Variants in B4GALNT1 observed in about 807,000 individuals in gnomAD.
B4GALNT1 encodes the protein beta-1,4 N-acetylgalactosaminyltransferase 1.
B4GALNT1 carries 43 observed loss-of-function variants against 55.2 expected under a neutral mutation model. The observed-to-expected ratio is 0.78, with a 90% CI of 0.61 to 1.00. B4GALNT1 has a LOEUF of 1.00. Ranked by LOEUF, B4GALNT1 falls within the 50% of genes least tolerant of loss-of-function variation. The pLI, the probability that B4GALNT1 is intolerant of heterozygous loss-of-function variation, is 0.00. For missense variants in B4GALNT1, 664 were observed against 729.7 expected (o/e 0.91, Z 1.04); for synonymous variants, 305 against 311.6 (o/e 0.98, Z 0.22).
chr12:57,626,651 A>G lies in B4GALNT1; in HGVS notation c.*93T>C. 7.1e-7 allele frequency: 1 copy of G among 1,403,168 alleles called. No individual in the cohort carries two copies. The highest frequency in any genetic ancestry group is 1.0e-6 in the Non-Finnish European group (1 of 999,934). 86.9% of individuals were successfully genotyped at this position (1,403,168 alleles called of 1,614,324 possible). A position where few individuals can be genotyped will look rare whatever the true frequency, so the allele number is the denominator to read the frequency against. On this transcript the variant is annotated 3_prime_UTR_variant, in exon 11 of 11. Transcript: ENST00000341156. Reference sequence around the variant, plus strand: ...AACTAGAGGCTCAGGGACAGCCAGTAGAGTGCTCACAGGGTGGTGGGGTTT... The same window carrying G: ...AACTAGAGGCTCAGGGACAGCCAGTGGAGTGCTCACAGGGTGGTGGGGTTT...
intron 2 of B4GALNT1, among the ~76,000 whole-genome samples, chr12:57,631,594 T>C (rs1885216176): frequency 6.6e-6 from 1 of 152,120 alleles, no homozygotes; most frequent in Non-Finnish European, 1.5e-5. Context: ...TACCAGGATT[T>C]CAGGAGCTGC....
In B4GALNT1 at chr12:57,625,277, G is replaced by T. The variant is rs950747251; in HGVS notation, c.*1467C>A. 1.2e-6 allele frequency: 2 copies of T among 1,614,130 alleles called. No homozygotes were observed. The highest frequency in any genetic ancestry group is 2.2e-5 in the East Asian group (1 of 44,886). ...GGTGGTGGTCCTAGACTTCAGTGGT[G>T]TCACCTTTGCAGATGCTGCTGGGGC... On this transcript the variant is annotated 3_prime_UTR_variant, in exon 11 of 11. Coordinates refer to ENST00000341156, the MANE Select transcript of B4GALNT1 (RefSeq NM_001478.5).
In B4GALNT1 at chr12:57,633,171, T is replaced by A. The variant is rs1885335336; in HGVS notation, c.-401A>T. On this transcript the variant is annotated 5_prime_UTR_variant, in exon 1 of 11. Transcript: ENST00000341156. ...CAGCGCGGCTCAGCTCCCGGCTCGT[T>A]GCGGCTGCTTCGGCTCCGCGCGGGG... 1 of 152,222 alleles carries A rather than the reference T, an allele frequency of 6.6e-6. No individual in the cohort carries two copies. The highest frequency in any genetic ancestry group is 2.4e-5 in the African/African-American group (1 of 41,466). 9.4% of individuals were successfully genotyped at this position (152,222 alleles called of 1,614,324 possible). A position where few individuals can be genotyped will look rare whatever the true frequency, so the allele number is the denominator to read the frequency against.
chr12:57,627,413 A>T lies in B4GALNT1; in HGVS notation c.1384+205T>A, dbSNP rs558728514. ...ATAACAAAAAATATATATATTTATA[A>T]AAAAAAAAAAAGAGTATGCGGGGCT... On this transcript the variant is annotated intron_variant, in intron 10 of 10. Transcript: ENST00000341156. Among the ~76,000 whole-genome samples, 2,042 of 61,106 alleles carry T rather than the reference A, an allele frequency of 0.033. 40 individuals are homozygous for T. Among genetic ancestry groups the T allele is most frequent in the African/African-American group, 0.12 (1,890 of 16,128 alleles). The allele number at this position is 61,106 out of a possible 152,430, so 40.1% of individuals were successfully genotyped here. A position where few individuals can be genotyped will look rare whatever the true frequency, so the allele number is the denominator to read the frequency against.
At chr12:57,632,234 C>A (rs1885272061) in intron 1 of B4GALNT1, 101 bp from the exon 2 acceptor site, 2 of 1,160,134 alleles carry the variant, frequency 1.7e-6, no homozygotes, top group African/African-American at 1.5e-5. Flanking sequence ...TGCCGGCTCC[C>A]AAGAGCGCTC....
intron 4 of B4GALNT1, among the ~76,000 whole-genome samples, chr12:57,630,746 G>C (rs1215731358): frequency 6.6e-6 from 1 of 152,212 alleles, no homozygotes; most frequent in Non-Finnish European, 1.5e-5. Context: ...CCAATGGTTA[G>C]TCAGCAAAGA....
chr12:57,632,030 G>C lies in B4GALNT1; in HGVS notation c.103C>G (p.Leu35Val), dbSNP rs774896. ...GGGGGCGCCCACGGCGCAAGAGGTA[G>C]CCGGAGGCCGGGCGCGTCCCGGGTG... ...ASTRDAPGLR[L>V]PLAPWAPPQS... Residue 35 changes from leucine (L) to valine (V), a missense_variant, in exon 2 of 11, where the codon CTA becomes GTA. Physicochemically the swap from Leu to Val is conservative, Grantham distance 32. Transcript: ENST00000341156. The C allele has an allele frequency of 0.24, 340,617 of 1,446,478 alleles. 41,624 individuals carry two copies. The highest frequency in any genetic ancestry group is 0.37 in the African/African-American group (25,354 of 68,938). 89.6% of individuals were successfully genotyped at this position (1,446,478 alleles called of 1,614,324 possible). A position where few individuals can be genotyped will look rare whatever the true frequency, so the allele number is the denominator to read the frequency against.
At position 57,624,020 on chromosome 12, in the gene B4GALNT1, C is replaced by T; in HGVS notation, c.*2724G>A. The T allele has an allele frequency of 6.2e-7, 1 of 1,611,512 alleles. No individual in the cohort carries two copies. The highest frequency in any genetic ancestry group is 2.2e-5 in the East Asian group (1 of 44,864). Reference sequence around the variant, plus strand: ...GCCTCAAGGCTGTCCTGGCTTGCATCAACATCTCCAGCATGCGCCAGGTGT... The same window carrying T: ...GCCTCAAGGCTGTCCTGGCTTGCATTAACATCTCCAGCATGCGCCAGGTGT... On this transcript the variant is annotated 3_prime_UTR_variant, in exon 11 of 11. Transcript: ENST00000341156.
chr12:57,626,604 G>T lies in B4GALNT1; in HGVS notation c.*140C>A. ...CAGGACAACCCCTACTGGGCATCAG[G>T]TTCTGAAAAGGAAGAGTGAGGAACT... On this transcript the variant is annotated 3_prime_UTR_variant, in exon 11 of 11. Transcript: ENST00000341156. The T allele has an allele frequency of 1.0e-6, 1 of 992,924 alleles. No homozygotes were observed. The highest frequency in any genetic ancestry group is 1.6e-5 in the African/African-American group (1 of 62,586). The allele number at this position is 992,924 out of a possible 1,614,324, so 61.5% of individuals were successfully genotyped here.
At chr12:57,630,428 C>T in intron 5 of B4GALNT1, 50 bp downstream of exon 5, 1 of 1,599,440 alleles carries the variant, frequency 6.3e-7, no homozygotes, top group Non-Finnish European at 8.5e-7. Context: ...GCCTCCCTCC[C>T]AGCATTCTTG....
At chr12:57,632,404 TG>T (rs777161368) in intron 1 of B4GALNT1, 22 of 586,206 alleles carry the variant, frequency 3.8e-5, no homozygotes, top group Non-Finnish European at 6.5e-5. Context: ...ATCTTAATGC[TG>T]AAGACATTTG....
rs996624863 is a variant in B4GALNT1 at position 57,625,904 on chromosome 12, C to T, written c.*840G>A. 2.5e-6 allele frequency: 2 copies of T among 794,566 alleles called. No homozygotes were observed. Among genetic ancestry groups the T allele is most frequent in the East Asian group, 3.0e-5 (1 of 33,720 alleles). The allele number at this position is 794,566 out of a possible 1,614,324, so 49.2% of individuals were successfully genotyped here. Reference sequence around the variant, plus strand: ...GTGAGGAACTGAAGAACTCAGATCCCTAAGTAGGTGGGGTACCCCTGAGAG... The same window carrying T: ...GTGAGGAACTGAAGAACTCAGATCCTTAAGTAGGTGGGGTACCCCTGAGAG... On this transcript the variant is annotated 3_prime_UTR_variant, in exon 11 of 11. Coordinates refer to ENST00000341156, the MANE Select transcript of B4GALNT1 (RefSeq NM_001478.5).
Position 57,626,834 on chromosome 12 carries a change from G to A in B4GALNT1, c.1512C>T (p.Tyr504=). The A allele has an allele frequency of 1.2e-6, 2 of 1,614,216 alleles. No individual in the cohort carries two copies. The highest frequency in any genetic ancestry group is 1.7e-6 in the Non-Finnish European group (2 of 1,180,050). ...TCTCGTCCAGTGATCCTGGGTAACGGTACCGGGCGTAAGTCTCTGCTCCGG... is the reference window on the plus strand; with the variant it reads ...TCTCGTCCAGTGATCCTGGGTAACGATACCGGGCGTAAGTCTCTGCTCCGG... ...RDAGAETYAR[Y]RYPGSLDESQ... Residue 504 remains tyrosine, a synonymous_variant, in exon 11 of 11, where the codon TAC becomes TAT. Transcript: ENST00000341156.
Position 57,623,511 on chromosome 12 carries a change from T to TA in B4GALNT1, c.*3232dup, listed in dbSNP as rs1259894874. ...TCCCCCTAATATTTTTGGTTTCCCTTACTTTGCTGGTGCCCTAAACACATA... is the reference window on the plus strand; with the variant it reads ...TCCCCCTAATATTTTTGGTTTCCCTTAACTTTGCTGGTGCCCTAAACACATA... On this transcript the variant is annotated 3_prime_UTR_variant, in exon 11 of 11. Transcript: ENST00000341156. 2.3e-5 allele frequency: 10 copies of TA among 440,504 alleles called. No individual in the cohort carries two copies. Among genetic ancestry groups the TA allele is most frequent in the Admixed American group, 8.1e-5 (2 of 24,598 alleles). 27.3% of individuals were successfully genotyped at this position (440,504 alleles called of 1,614,324 possible).
In B4GALNT1 at chr12:57,631,057, A is replaced by G; in HGVS notation, c.413T>C (p.Ile138Thr). Residue 138 changes from isoleucine to threonine, a missense_variant, in exon 4 of 11, where the codon ATA (isoleucine) becomes ACA (threonine). Coordinates refer to ENST00000341156, the MANE Select transcript of B4GALNT1 (RefSeq NM_001478.5). ...CTGGAGCGGGGAGTTGGCAGGGGCTATGAGCAGCTGGTCAGCTGGGGACTG... is the reference window on the plus strand; with the variant it reads ...CTGGAGCGGGGAGTTGGCAGGGGCTGTGAGCAGCTGGTCAGCTGGGGACTG... ...RSQSPADQLL[I>T]APANSPLQYP... is the part of the protein sequence containing the mutation. 6.2e-7 allele frequency: 1 copy of G among 1,612,696 alleles called. No individual in the cohort carries two copies. The highest frequency in any genetic ancestry group is 8.5e-7 in the Non-Finnish European group (1 of 1,179,488).
rs919714808 is a variant in B4GALNT1 at position 57,626,088 on chromosome 12, C to A, written c.*656G>T. 4 of 219,662 alleles carry A rather than the reference C, an allele frequency of 1.8e-5. No homozygotes were observed. The highest frequency in any genetic ancestry group is 2.7e-5 in the Non-Finnish European group (3 of 110,896). 13.6% of individuals were successfully genotyped at this position (219,662 alleles called of 1,614,324 possible). On this transcript the variant is annotated 3_prime_UTR_variant, in exon 11 of 11. Transcript: ENST00000341156. The stretch of plus-strand genomic sequence containing the variant: ...CTGATGACATGTGTGTGATGAGGAC[C>A]ATGACCCTTGAACCCCCTTACCTAA...
Position 57,626,909 on chromosome 12 carries a change from G to A in B4GALNT1, c.1437C>T (p.Val479=), listed in dbSNP as rs772899658. Residue 479 remains valine, a synonymous_variant, in exon 11 of 11, where the codon GTC becomes GTT. Coordinates refer to ENST00000341156, the MANE Select transcript of B4GALNT1 (RefSeq NM_001478.5). ...TCAGTTTGGATGCATGATCCACCAC[G>A]ACGTCGGAGCAGGAGCCAACCCGAA... The part of the protein sequence containing the change: ...GSLRVGSCSD[V]VVDHASKLKL... 14 of 1,614,092 alleles carry A rather than the reference G, an allele frequency of 8.7e-6. No homozygotes were observed. The highest frequency in any genetic ancestry group is 8.0e-5 in the African/African-American group (6 of 74,934).
intron 4 of B4GALNT1, 64 bp from the exon 5 acceptor site, chr12:57,630,582 C>T (rs2140250220): frequency 6.6e-7 from 1 of 1,519,022 alleles, no homozygotes; most frequent in East Asian, 2.3e-5. Context: ...CTCATTTTCT[C>T]TCCCTGCTGT....
intron 10 of B4GALNT1, 128 bp from the exon 11 acceptor site, chr12:57,627,089 A>T (rs1565737536): frequency 1.3e-6 from 1 of 742,608 alleles, no homozygotes; most frequent in Non-Finnish European, 2.3e-6. Context: ...GACCCTGAGC[A>T]TGTAAATCAA....
Sources: allele counts gnomAD v4.1 joint callset (sites outside exome capture counted in the v4.1 genomes callset), GRCh38; gene constraint gnomAD v4.1.1; transcripts MANE v1.5; gene names NCBI Gene and HGNC (gene_info 2026-07-23, HGNC 2026-07-21).